Variants in LRIG2 observed in about 807,000 individuals in gnomAD.
LRIG2 encodes the protein leucine rich repeats and immunoglobulin like domains 2, also known as leucine-rich repeats and immunoglobulin-like domains protein 2.
In LRIG2, 93 loss-of-function variants were observed where a neutral mutation model predicts 107.8. That is an observed-to-expected ratio of 0.86 (90% CI 0.73 to 1.03). The LOEUF (loss-of-function observed/expected upper bound fraction) is 1.03, where lower values mean the gene tolerates loss of function less well. LRIG2 is among the 50% of genes least tolerant of loss of function. The probability of loss-of-function intolerance (pLI) is 0.00; values close to 1 mark genes in which losing one functional copy is unlikely to be tolerated. For missense variants in LRIG2, 1,226 were observed against 1,296.0 expected (o/e 0.95, Z 0.83); for synonymous variants, 471 against 470.6 (o/e 1.00, Z -0.01).
In LRIG2 at chr1:113,112,725, G is replaced by C; in HGVS notation, c.2045G>C (p.Gly682Ala). 1 of 1,607,956 alleles carries C rather than the reference G, an allele frequency of 6.2e-7. No homozygotes were observed. The highest frequency in any genetic ancestry group is 8.5e-7 in the Non-Finnish European group (1 of 1,174,644). Residue 682 changes from glycine to alanine, a missense_variant, in exon 14 of 18, where the codon GGA becomes GCA. Around this residue, in one of 3 missense-constraint regions of LRIG2, gnomAD observed 642 missense variants for 712.2 expected, o/e 0.90. Coordinates refer to ENST00000361127, the MANE Select transcript of LRIG2 (RefSeq NM_014813.3). Reference sequence around the variant, plus strand: ...AGCTGCATGGCACAAAATACAGCAGGAGGTCTCTCAGCAAATGCTTCCCTA... The same window carrying C: ...AGCTGCATGGCACAAAATACAGCAGCAGGTCTCTCAGCAAATGCTTCCCTA... ...IYSCMAQNTA[G>A]GLSANASLTV...
At chr1:113,087,867 G>T (rs1191312712) in intron 1 of LRIG2, among the ~76,000 whole-genome samples, 1 of 152,144 alleles carries the variant, frequency 6.6e-6, no homozygotes, top group African/African-American at 2.4e-5. Context: ...TACAGTTTTG[G>T]AGTGACTGCA....
In LRIG2 at chr1:113,124,366, C is replaced by T. The variant is rs1211994765; in HGVS notation, c.*265C>T. 4 of 508,258 alleles carry T rather than the reference C, an allele frequency of 7.9e-6. No individual in the cohort carries two copies. The East Asian group carries it at 1.4e-4, about 18-fold the overall frequency. 31.5% of individuals were successfully genotyped at this position (508,258 alleles called of 1,614,324 possible). A position where few individuals can be genotyped will look rare whatever the true frequency, so the allele number is the denominator to read the frequency against. On this transcript the variant is annotated 3_prime_UTR_variant, in exon 18 of 18. Transcript: ENST00000361127. Reference sequence around the variant, plus strand: ...GGGGCAAATGTGCTTCCTGATGCTTCCATGGGGATGTGCCCTGGTGTGCAT... The same window carrying T: ...GGGGCAAATGTGCTTCCTGATGCTTTCATGGGGATGTGCCCTGGTGTGCAT...
At chr1:113,086,224 T>C (rs1653546172) in intron 1 of LRIG2, among the ~76,000 whole-genome samples, 1 of 151,654 alleles carries the variant, frequency 6.6e-6, no homozygotes. Context: ...AGGCTGGTCT[T>C]GAACTCCTGA....
Position 113,095,891 on chromosome 1 carries a change from A to G in LRIG2, c.821A>G (p.Asn274Ser), listed in dbSNP as rs559644277. The change falls in exon 7 of 18, where the codon AAC becomes AGC. Residue 274 changes from asparagine to serine, a missense_variant. Coordinates refer to ENST00000361127, the MANE Select transcript of LRIG2 (RefSeq NM_014813.3). ...NMEELELEHNNLTRVNKGWLY... is the reference protein window; with the variant it reads ...NMEELELEHNSLTRVNKGWLY... ...TTCTGCAGAGAACTGGAACACAACAACCTTACACGAGTAAACAAGGGGTGG... is the reference window on the plus strand; with the variant it reads ...TTCTGCAGAGAACTGGAACACAACAGCCTTACACGAGTAAACAAGGGGTGG... 131 of 1,614,150 alleles carry G rather than the reference A, an allele frequency of 8.1e-5. No individual in the cohort carries two copies. The South Asian group carries it at 1.3e-3, about 15-fold the overall frequency.
At chr1:113,109,373 A>T (rs76342216) in intron 12 of LRIG2, among the ~76,000 whole-genome samples, 1 of 152,340 alleles carries the variant, frequency 6.6e-6, no homozygotes, top group African/African-American at 2.4e-5. Flanking sequence ...CATTTGACCT[A>T]TTTGGATTTT....
At chr1:113,093,701 C>T in intron 4 of LRIG2, 137 bp downstream of exon 4, 1 of 420,670 alleles carries the variant, frequency 2.4e-6, no homozygotes, top group Non-Finnish European at 4.5e-6. Context: ...TGCAGCGCAC[C>T]AGCATGGCAC....
intron 1 of LRIG2, among the ~76,000 whole-genome samples, chr1:113,084,950 G>A (rs1653480913): frequency 1.3e-5 from 2 of 152,112 alleles, no homozygotes; most frequent in Admixed American, 1.3e-4. Flanking sequence ...TTCAGTTGGT[G>A]CAAATAAAAA....
Position 113,127,163 on chromosome 1 carries a change from G to A in LRIG2, c.*3062G>A, listed in dbSNP as rs1004749084. The stretch of plus-strand genomic sequence containing the variant: ...GTTTTTAATCTTTTACCAATGTGCA[G>A]TATATCTTAAGAAGGGAAGAGTGCT... On this transcript the variant is annotated 3_prime_UTR_variant, in exon 18 of 18. Transcript: ENST00000361127. 4 of 152,142 alleles carry A rather than the reference G, an allele frequency of 2.6e-5. No homozygotes were observed. The highest frequency in any genetic ancestry group is 7.2e-5 in the African/African-American group (3 of 41,430). The allele number at this position is 152,142 out of a possible 1,614,324, so 9.4% of individuals were successfully genotyped here. A position where few individuals can be genotyped will look rare whatever the true frequency, so the allele number is the denominator to read the frequency against.
chr1:113,102,367 C>T (rs1654343292), intron 11 of LRIG2, among the ~76,000 whole-genome samples: 1 of 151,802 alleles, frequency 6.6e-6, no homozygotes, highest in South Asian at 2.1e-4. Context: ...CTCCCGGGTT[C>T]AAGTGATTCT....
At chr1:113,121,144 T>C (rs1655235838) in intron 17 of LRIG2, among the ~76,000 whole-genome samples, 1 of 152,212 alleles carries the variant, frequency 6.6e-6, no homozygotes, top group Admixed American at 6.5e-5. Context: ...TTTGTTTTGT[T>C]GCTGTTTTAG....
chr1:113,083,668 A>G (rs999006873), intron 1 of LRIG2, among the ~76,000 whole-genome samples: 2 of 151,654 alleles, frequency 1.3e-5, no homozygotes, highest in African/African-American at 4.8e-5. Flanking sequence ...TTAAGCCACC[A>G]GATCTCATGT....
intron 17 of LRIG2, among the ~76,000 whole-genome samples, chr1:113,123,084 A>G (rs911964693): frequency 1.3e-5 from 2 of 152,206 alleles, no homozygotes; most frequent in African/African-American, 4.8e-5. Flanking sequence ...CCTTTTGACT[A>G]TCATTTGTTG....
intron 15 of LRIG2, 114 bp downstream of exon 15, chr1:113,114,990 TC>T: frequency 1.1e-6 from 1 of 880,872 alleles, no homozygotes; most frequent in Non-Finnish European, 1.7e-6. Flanking sequence ...ATGCCTGTAC[TC>T]CCAGCTACTC....
rs200001191 is a variant in LRIG2 at position 113,124,070 on chromosome 1, G to A, written c.3167G>A (p.Arg1056Gln). 23 of 1,614,102 alleles carry A rather than the reference G, an allele frequency of 1.4e-5. No homozygotes were observed. The highest frequency in any genetic ancestry group is 4.4e-5 in the South Asian group (4 of 91,074). The stretch of plus-strand genomic sequence containing the variant: ...CATGCTTTTGATTTTAGTAGGACTC[G>A]GAACATTCAAGATGGTAGTGAGGGC... ...QDHAFDFSRT[R>Q]NIQDGSEGT Residue 1056 changes from arginine to glutamine, a missense_variant, in exon 18 of 18, where the codon CGG (arginine) becomes CAG (glutamine). This residue lies in a region of LRIG2 where 642 missense variants were observed against 712.2 expected (regional missense o/e 0.90). Transcript: ENST00000361127.
chr1:113,107,963 C>CA, intron 12 of LRIG2: 1 of 530,296 alleles, frequency 1.9e-6, no homozygotes, highest in Non-Finnish European at 3.2e-6. Context: ...ATTTGGTAGT[C>CA]AGATTCCTGA....
At chr1:113,121,423 G>A (rs957025617) in intron 17 of LRIG2, among the ~76,000 whole-genome samples, 4 of 152,182 alleles carry the variant, frequency 2.6e-5, no homozygotes, top group Middle Eastern at 3.4e-3. Context: ...CCTTCTGTCA[G>A]CCTGACATGG....
chr1:113,083,471 G>T (rs898952899), intron 1 of LRIG2, among the ~76,000 whole-genome samples: 1 of 148,832 alleles, frequency 6.7e-6, no homozygotes, highest in Admixed American at 6.8e-5. Context: ...TCAGCCTCCC[G>T]AGTAGCTGGG....
At chr1:113,115,478 T>C (rs997318955) in intron 15 of LRIG2, among the ~76,000 whole-genome samples, 1 of 152,126 alleles carries the variant, frequency 6.6e-6, no homozygotes, top group African/African-American at 2.4e-5. Context: ...CTCAAAGTGC[T>C]GGGATTACAG....
chr1:113,078,230 CAT>C (rs1480102541), intron 1 of LRIG2, among the ~76,000 whole-genome samples: 9 of 151,578 alleles, frequency 5.9e-5, no homozygotes, highest in Non-Finnish European at 2.9e-5. Context: ...TCACTATTAA[CAT>C]GTGGATTTAG....
Sources: allele counts gnomAD v4.1 joint callset (sites outside exome capture counted in the v4.1 genomes callset), GRCh38; gene constraint gnomAD v4.1.1; regional missense constraint gnomAD v4.1.1; transcripts MANE v1.5; gene names NCBI Gene and HGNC (gene_info 2026-07-23, HGNC 2026-07-21).